Variants in SMYD3 observed in about 807,000 individuals in gnomAD.
SMYD3 encodes the protein SET and MYND domain containing 3.
SMYD3 carries 36 observed loss-of-function variants against 57.7 expected under a neutral mutation model. The ratio of observed to expected loss-of-function variants is 0.62; its 90% confidence interval spans 0.48 to 0.82. The LOEUF (loss-of-function observed/expected upper bound fraction) is 0.82, where lower values mean the gene tolerates loss of function less well. Among genes scored for constraint, SMYD3 ranks in the 40% least tolerant of loss-of-function variants. The probability of loss-of-function intolerance (pLI) is 0.00; values close to 1 mark genes in which losing one functional copy is unlikely to be tolerated. For synonymous variants in SMYD3, 211 were observed against 195.0 expected (o/e 1.08, Z -0.68); for missense variants, 515 against 538.8 (o/e 0.96, Z 0.44).
chr1:245,791,951 C>CG (rs774516682), intron 10 of SMYD3, among the ~76,000 whole-genome samples: 30 of 88,826 alleles, frequency 3.4e-4, no homozygotes, highest in Non-Finnish European at 5.9e-4. Context: ...TAATTTTAAA[C>CG]TTGTGTGTGT....
At chr1:245,753,437 G>A (rs970631653) in intron 11 of SMYD3, among the ~76,000 whole-genome samples, 3 of 152,222 alleles carry the variant, frequency 2.0e-5, no homozygotes, top group Non-Finnish European at 2.9e-5. Context: ...CTGTGTGTGC[G>A]GATGTGTGCG....
intron 2 of SMYD3, among the ~76,000 whole-genome samples, chr1:246,341,831 T>A (rs2065637494): frequency 6.6e-6 from 1 of 152,250 alleles, no homozygotes; most frequent in South Asian, 2.1e-4. Context: ...GGAGTGGATA[T>A]CCATTTTAGG....
intron 1 of SMYD3, among the ~76,000 whole-genome samples, chr1:246,439,612 T>G (rs2067432823): frequency 6.7e-6 from 1 of 148,916 alleles, no homozygotes; most frequent in Non-Finnish European, 1.5e-5. Context: ...ATTCTACACT[T>G]AAAATGGGTG....
At chr1:246,014,762 G>A (rs528832556) in intron 5 of SMYD3, among the ~76,000 whole-genome samples, 17 of 152,080 alleles carry the variant, frequency 1.1e-4, no homozygotes, top group South Asian at 1.0e-3. Flanking sequence ...AAAATACAGC[G>A]CTTTGACATC....
chr1:246,279,291 C>T (rs573093826), intron 5 of SMYD3, among the ~76,000 whole-genome samples: 17 of 152,250 alleles, frequency 1.1e-4, no homozygotes, highest in African/African-American at 3.6e-4. Flanking sequence ...GAGGCTGAGG[C>T]GGGTGGATCA....
intron 5 of SMYD3, among the ~76,000 whole-genome samples, chr1:246,150,494 G>A (rs1229146574): frequency 6.6e-6 from 1 of 152,132 alleles, no homozygotes; most frequent in Non-Finnish European, 1.5e-5. Flanking sequence ...GTATTACAAA[G>A]GTATGCTGAA....
chr1:246,412,406 T>C (rs576783976), intron 1 of SMYD3, among the ~76,000 whole-genome samples: 22 of 152,336 alleles, frequency 1.4e-4, no homozygotes, highest in African/African-American at 5.3e-4. Flanking sequence ...TCTTTAATAC[T>C]TGATCTCTTT....
chr1:245,867,781 G>A (rs2051961515), intron 8 of SMYD3, among the ~76,000 whole-genome samples: 1 of 152,190 alleles, frequency 6.6e-6, no homozygotes, highest in African/African-American at 2.4e-5. Flanking sequence ...GATCGGGGAA[G>A]GTCTCACCAA....
chr1:246,312,135 C>T (rs574047761), intron 5 of SMYD3, among the ~76,000 whole-genome samples: 2 of 152,220 alleles, frequency 1.3e-5, no homozygotes, highest in South Asian at 4.1e-4. Context: ...TGCTTGCAGT[C>T]TATGCAAGCA....
intron 10 of SMYD3, among the ~76,000 whole-genome samples, chr1:245,771,423 T>C (rs2046331650): frequency 6.6e-6 from 1 of 152,214 alleles, no homozygotes; most frequent in South Asian, 2.1e-4. Context: ...CTTTTAGAAA[T>C]GATGGACTTC....
intron 5 of SMYD3, among the ~76,000 whole-genome samples, chr1:246,269,169 G>A (rs1218017597): frequency 6.6e-6 from 1 of 152,088 alleles, no homozygotes; most frequent in Non-Finnish European, 1.5e-5. Flanking sequence ...ACTACATGAA[G>A]CCTCCCAGTT....
At chr1:246,328,797 G>A (rs965393421) in intron 4 of SMYD3, among the ~76,000 whole-genome samples, 19 of 151,708 alleles carry the variant, frequency 1.3e-4, no homozygotes, top group East Asian at 1.9e-4. Context: ...CCATTAACTC[G>A]TCACTTAGCA....
At chr1:246,379,321 C>T (rs2066349849) in intron 1 of SMYD3, among the ~76,000 whole-genome samples, 1 of 151,948 alleles carries the variant, frequency 6.6e-6, no homozygotes, top group Admixed American at 6.6e-5. Flanking sequence ...GTAACTATTA[C>T]TCATTATCAT....
chr1:245,912,576 G>A (rs2055074447), intron 8 of SMYD3, among the ~76,000 whole-genome samples: 1 of 151,990 alleles, frequency 6.6e-6, no homozygotes. Context: ...GAACAAAGCT[G>A]GAGGTATCAC....
Position 246,463,414 on chromosome 1 carries a change from G to A in SMYD3, c.164+43640C>T, listed in dbSNP as rs188657828. On this transcript the variant is annotated intron_variant, in intron 1 of 11. Transcript: ENST00000490107. The stretch of plus-strand genomic sequence containing the variant: ...GGTACTAGTTACTGAAATAAGGAAG[G>A]TAGGAGAGAAGCAAATTTAAGAATG... Among the ~76,000 whole-genome samples, 30 of 152,210 alleles carry A rather than the reference G, an allele frequency of 2.0e-4. No individual in the cohort carries two copies. In the East Asian group the frequency reaches 5.2e-3, roughly 26 times the overall value.
chr1:246,133,065 C>CA lies in SMYD3; in HGVS notation c.531+194135dup, dbSNP rs1211807335. On this transcript the variant is annotated intron_variant, in intron 5 of 11. Coordinates refer to ENST00000490107, the MANE Select transcript of SMYD3 (RefSeq NM_001167740.2). ...ATGAAAGGTGCTATAATAAAAACTACAAAAAACAGTATGGCATTTCTTAAA... is the reference window on the plus strand; with the variant it reads ...ATGAAAGGTGCTATAATAAAAACTACAAAAAAACAGTATGGCATTTCTTAAA... 3.3e-5 allele frequency among the ~76,000 whole-genome samples: 5 copies of CA among 151,568 alleles called. No homozygotes were observed. The South Asian group carries it at 1.0e-3, about 32-fold the overall frequency.
At chr1:246,506,989 G>GCCCCCCCCACCCCCCCC in intron 1 of SMYD3, 65 bp downstream of exon 1, 1 of 649,320 alleles carries the variant, frequency 1.5e-6, no homozygotes, top group Non-Finnish European at 2.1e-6. Flanking sequence ...GCCGCCCGAC[G>GCCCCCCCCACCCCCCCC]CCCCCCCCTC....
chr1:246,492,277 T>C (rs147088074), intron 1 of SMYD3, among the ~76,000 whole-genome samples: 2 of 152,302 alleles, frequency 1.3e-5, no homozygotes, highest in East Asian at 3.9e-4. Flanking sequence ...GATGCCTGCG[T>C]CCCACCTCCA....
chr1:245,920,487 CTT>C (rs2055840094), intron 7 of SMYD3, among the ~76,000 whole-genome samples: 1 of 152,232 alleles, frequency 6.6e-6, no homozygotes, highest in South Asian at 2.1e-4. Context: ...CTTTGTGTCT[CTT>C]GTTTCACAAG....
Sources: gnomAD v4.1 joint callset for allele counts (sites outside exome capture counted in the v4.1 genomes callset) on GRCh38, gnomAD v4.1.1 for gene constraint, MANE v1.5 for transcripts, NCBI Gene and HGNC (gene_info 2026-07-23, HGNC 2026-07-21) for gene names.